CPNE8: variants seen among roughly 807,000 people sequenced by gnomAD.
CPNE8 encodes the protein copine 8.
A neutral mutation model predicts 81.5 loss-of-function variants in CPNE8; 45 were observed. The ratio of observed to expected loss-of-function variants is 0.55; its 90% CI spans 0.44 to 0.71. The LOEUF (loss-of-function observed/expected upper bound fraction) is 0.71. Among genes scored for constraint, CPNE8 ranks in the 30% least tolerant of loss-of-function variants. The pLI is 0.00. For synonymous variants in CPNE8, 252 were observed against 226.3 expected (o/e 1.11, Z -1.02); for missense variants, 594 against 672.1 (o/e 0.88, Z 1.28).
chr12:38,716,427 T>C (rs534460992), intron 13 of CPNE8, among the ~76,000 whole-genome samples: 1 of 152,096 alleles, frequency 6.6e-6, no homozygotes, highest in Non-Finnish European at 1.5e-5. Flanking sequence ...ACTAAAGCAG[T>C]ATGGTACTGG....
intron 1 of CPNE8, among the ~76,000 whole-genome samples, chr12:38,878,712 A>G (rs1944103270): frequency 6.6e-6 from 1 of 152,198 alleles, no homozygotes; most frequent in Non-Finnish European, 1.5e-5. Context: ...TTAAAATTGT[A>G]TCTCATGCTT....
intron 10 of CPNE8, among the ~76,000 whole-genome samples, chr12:38,757,095 T>C (rs1941477862): frequency 6.6e-6 from 1 of 152,176 alleles, no homozygotes. Flanking sequence ...ATATTTCCAT[T>C]GTACAATGTT....
chr12:38,895,301 G>T (rs891717902), intron 1 of CPNE8, among the ~76,000 whole-genome samples: 32 of 152,060 alleles, frequency 2.1e-4, no homozygotes, highest in Non-Finnish European at 2.9e-5. Flanking sequence ...AAGTTAAACG[G>T]TGACTTCCCC....
At chr12:38,793,434 C>A (rs916286216) in intron 6 of CPNE8, among the ~76,000 whole-genome samples, 1 of 151,098 alleles carries the variant, frequency 6.6e-6, no homozygotes. Context: ...TATATACTAA[C>A]AATAATGAAA....
intron 10 of CPNE8, among the ~76,000 whole-genome samples, chr12:38,753,797 ATAT>A (rs1231122573): frequency 1.3e-5 from 2 of 152,254 alleles, no homozygotes; most frequent in African/African-American, 2.4e-5. Context: ...TAATTGTTCT[ATAT>A]TATTATTATT....
intron 10 of CPNE8, among the ~76,000 whole-genome samples, chr12:38,750,126 TG>T (rs1184282111): frequency 6.6e-6 from 1 of 152,130 alleles, no homozygotes; most frequent in African/African-American, 2.4e-5. Context: ...CCTGACCTAT[TG>T]CTTCAGAGGG....
At chr12:38,709,529 G>A (rs1376241038) in intron 13 of CPNE8, among the ~76,000 whole-genome samples, 4 of 152,142 alleles carry the variant, frequency 2.6e-5, no homozygotes, top group Non-Finnish European at 4.4e-5. Flanking sequence ...CAGCTCACTT[G>A]TAAATAATTA....
At chr12:38,676,980 ACAAT>A (rs1378049503) in intron 17 of CPNE8, among the ~76,000 whole-genome samples, 1 of 110,286 alleles carries the variant, frequency 9.1e-6, no homozygotes. Flanking sequence ...AGATTAGTAA[ACAAT>A]CAAATAACCC....
intron 1 of CPNE8, among the ~76,000 whole-genome samples, chr12:38,876,053 G>A (rs936498859): frequency 6.6e-6 from 1 of 152,112 alleles, no homozygotes; most frequent in Non-Finnish European, 1.5e-5. Flanking sequence ...AGAGATGACA[G>A]TGCAAAATAT....
At chr12:38,774,268 G>A (rs1941872213) in intron 7 of CPNE8, among the ~76,000 whole-genome samples, 1 of 152,034 alleles carries the variant, frequency 6.6e-6, no homozygotes. Context: ...CATAAAATCT[G>A]CTCAATAAAC....
intron 16 of CPNE8, among the ~76,000 whole-genome samples, chr12:38,680,170 T>C (rs1377256873): frequency 1.3e-5 from 2 of 151,970 alleles, no homozygotes; most frequent in African/African-American, 4.8e-5. Context: ...AATAAGTTTC[T>C]GGGATTATTT....
At chr12:38,769,099 A>C (rs1941748679) in intron 7 of CPNE8, among the ~76,000 whole-genome samples, 1 of 152,220 alleles carries the variant, frequency 6.6e-6, no homozygotes. Flanking sequence ...TTACTTAGCA[A>C]ACATTTAGCA....
chr12:38,864,114 A>C (rs2137086903), intron 3 of CPNE8, among the ~76,000 whole-genome samples: 1 of 152,108 alleles, frequency 6.6e-6, no homozygotes, highest in Admixed American at 6.5e-5. Context: ...ATTCAACACT[A>C]TACAGGAGGC....
In CPNE8 at chr12:38,776,226, A is replaced by C. The variant is rs749324173; in HGVS notation, c.471+12T>G. On this transcript the variant is annotated intron_variant, in intron 7 of 19. Transcript: ENST00000331366. ...TGGAAGTATTTTCTAAACCAAAGAA[A>C]TATTTACTTACCCTGCAACAGTTTA... is the stretch of plus-strand genomic sequence containing the variant. 3.4e-6 allele frequency: 5 copies of C among 1,466,730 alleles called. No individual in the cohort carries two copies. In the Middle Eastern group the frequency reaches 5.3e-4, roughly 157 times the overall value. 90.9% of individuals were successfully genotyped at this position (1,466,730 alleles called of 1,614,324 possible). A position where few individuals can be genotyped will look rare whatever the true frequency, so the allele number is the denominator to read the frequency against.
At chr12:38,896,583 A>G (rs1292148189) in intron 1 of CPNE8, among the ~76,000 whole-genome samples, 2 of 152,146 alleles carry the variant, frequency 1.3e-5, no homozygotes, top group African/African-American at 4.8e-5. Flanking sequence ...GAGCAGATAC[A>G]AGAATGTTCT....
At chr12:38,715,120 C>T (rs1175847825) in intron 13 of CPNE8, among the ~76,000 whole-genome samples, 2 of 152,000 alleles carry the variant, frequency 1.3e-5, no homozygotes, top group Non-Finnish European at 2.9e-5. Flanking sequence ...TTTTAAATTG[C>T]AATTCAATAA....
intron 13 of CPNE8, among the ~76,000 whole-genome samples, chr12:38,720,340 G>T (rs1940528013): frequency 6.6e-6 from 1 of 152,156 alleles, no homozygotes; most frequent in Non-Finnish European, 1.5e-5. Context: ...ATTTTCAGCA[G>T]GAGAATGAGA....
At chr12:38,848,768 C>G in intron 3 of CPNE8, 106 bp from the exon 4 acceptor site, 5 of 1,334,728 alleles carry the variant, frequency 3.7e-6, no homozygotes, top group Non-Finnish European at 3.9e-6. Flanking sequence ...CAATAAATAT[C>G]CAAATAATAG....
chr12:38,848,370 C>T (rs1043618133), intron 4 of CPNE8, among the ~76,000 whole-genome samples, 189 bp downstream of exon 4: 1 of 152,138 alleles, frequency 6.6e-6, no homozygotes, highest in African/African-American at 2.4e-5. Flanking sequence ...CTCACCTATT[C>T]ATTCAACATG....
Sources: gnomAD v4.1 joint callset for allele counts (sites outside exome capture counted in the v4.1 genomes callset) on GRCh38, gnomAD v4.1.1 for gene constraint, MANE v1.5 for transcripts, NCBI Gene and HGNC (gene_info 2026-07-23, HGNC 2026-07-21) for gene names.